Variants in CAST observed in about 807,000 individuals in gnomAD.
CAST encodes the protein MIR583 host.
Under a neutral mutation model 119.6 loss-of-function variants are expected in CAST, and 76 were observed. That is an observed-to-expected ratio of 0.64 (90% CI 0.53 to 0.77). The LOEUF (loss-of-function observed/expected upper bound fraction) is 0.77. CAST is among the 30% of genes least tolerant of loss of function. The pLI is 0.00. For synonymous variants in CAST, 319 were observed against 331.6 expected, an observed-to-expected ratio of 0.96 and a Z score of 0.41; for missense variants, 953 against 946.5, an observed-to-expected ratio of 1.01 and a Z score of -0.09.
chr5:96,729,342 C>T (rs1447809380), intron 7 of CAST, 133 bp downstream of exon 7: 4 of 629,456 alleles, frequency 6.4e-6, no homozygotes, highest in Non-Finnish European at 1.1e-5. Context: ...AAAATGGTGC[C>T]ATCCTGTGGC....
At chr5:96,509,958 A>T in the CAST span, among the ~76,000 whole-genome samples, 2 of 152,242 alleles carry the variant, frequency 1.3e-5, no homozygotes, top group Non-Finnish European at 2.9e-5. Context: ...CAGGAAAGAA[A>T]CAGCAATAAA....
chr5:96,601,227 A>C (rs1747146862), intron 1 of CAST, among the ~76,000 whole-genome samples: 1 of 152,200 alleles, frequency 6.6e-6, no homozygotes, highest in Non-Finnish European at 1.5e-5. Context: ...TGGAAAGGAA[A>C]TCTGTTTATT....
At chr5:96,666,276 A>G (rs1749324979) in intron 1 of CAST, among the ~76,000 whole-genome samples, 1 of 151,952 alleles carries the variant, frequency 6.6e-6, no homozygotes, top group Non-Finnish European at 1.5e-5. Context: ...ACACACACAC[A>G]CACCACACAA....
At chr5:96,317,476 C>CAAAA in the CAST span, among the ~76,000 whole-genome samples, 348 of 50,508 alleles carry the variant, frequency 6.9e-3, no homozygotes, top group Middle Eastern at 0.018. Context: ...GACTCCATCT[C>CAAAA]AAAAAAAAAA....
At chr5:96,457,596 G>A in the CAST span, among the ~76,000 whole-genome samples, 37 of 152,126 alleles carry the variant, frequency 2.4e-4, no homozygotes, top group Admixed American at 2.6e-4. Context: ...CAGTGCCTTC[G>A]CCCTTGCTCT....
the CAST span, among the ~76,000 whole-genome samples, chr5:96,270,838 C>A: frequency 6.6e-6 from 1 of 151,318 alleles, no homozygotes; most frequent in Non-Finnish European, 1.5e-5. Context: ...CAAACCTGCA[C>A]ATCCTGCACA....
chr5:96,315,836 C>T, the CAST span, among the ~76,000 whole-genome samples: 6 of 152,180 alleles, frequency 3.9e-5, no homozygotes, highest in African/African-American at 1.2e-4. Flanking sequence ...AGAAGTCCAG[C>T]TTTCCTGAGA....
At chr5:96,178,263 C>G in the CAST span, among the ~76,000 whole-genome samples, 9 of 152,042 alleles carry the variant, frequency 5.9e-5, no homozygotes, top group Non-Finnish European at 1.0e-4. Flanking sequence ...ATGCCTTTGC[C>G]CATCATTAGC....
the CAST span, among the ~76,000 whole-genome samples, chr5:96,107,995 C>G: frequency 1.3e-5 from 2 of 151,916 alleles, no homozygotes; most frequent in Non-Finnish European, 2.9e-5. Context: ...TGCTGATACC[C>G]TTTCTTCCAG....
At chr5:96,650,393 C>A (rs1748075783) in intron 1 of CAST, among the ~76,000 whole-genome samples, 1 of 152,138 alleles carries the variant, frequency 6.6e-6, no homozygotes, top group African/African-American at 2.4e-5. Flanking sequence ...CTGCAACAGA[C>A]CTTGCATGAA....
Position 96,742,750 on chromosome 5 carries a change from C to T in CAST, c.1194C>T (p.Val398=), listed in dbSNP as rs764303127. Residue 398 remains valine, a synonymous_variant, in exon 16 of 32, where the codon GTC becomes GTT. Transcript: ENST00000675179. ...PELDLRSIKE[V]DEAKAKEEKL... is the part of the protein sequence containing the mutation. ...TCGACCTCCGCTCAATTAAGGAAGT[C>T]GATGAGGTACTGACCTTAGAGTTGA... is the stretch of plus-strand genomic sequence containing the variant. 17 of 1,610,322 alleles carry T rather than the reference C, an allele frequency of 1.1e-5. No individual in the cohort carries two copies. The highest frequency in any genetic ancestry group is 8.8e-5 in the South Asian group (8 of 90,976).
the CAST span, among the ~76,000 whole-genome samples, chr5:96,002,214 C>G: frequency 6.6e-6 from 1 of 152,286 alleles, no homozygotes; most frequent in South Asian, 2.1e-4. Flanking sequence ...TATTGGGATG[C>G]TTGGTTGCAA....
the CAST span, among the ~76,000 whole-genome samples, chr5:96,229,114 C>T: frequency 1.3e-5 from 2 of 151,662 alleles, no homozygotes; most frequent in Non-Finnish European, 2.9e-5. Context: ...ATCATTTTAC[C>T]AGGTGAGAAT....
At chr5:96,135,605 G>C in the CAST span, among the ~76,000 whole-genome samples, 1 of 152,128 alleles carries the variant, frequency 6.6e-6, no homozygotes, top group African/African-American at 2.4e-5. Context: ...TGAGATCTCA[G>C]ATCTATAGCC....
the CAST span, among the ~76,000 whole-genome samples, chr5:96,365,878 A>G: frequency 6.6e-6 from 1 of 152,048 alleles, no homozygotes; most frequent in African/African-American, 2.4e-5. Flanking sequence ...TGATGTTGTT[A>G]CCTGGTTATT....
At chr5:96,183,440 T>G in the CAST span, among the ~76,000 whole-genome samples, 3 of 152,056 alleles carry the variant, frequency 2.0e-5, no homozygotes. Context: ...GCCAATATAT[T>G]TTGTCCAAGT....
chr5:96,137,141 A>G, the CAST span, among the ~76,000 whole-genome samples: 1 of 152,174 alleles, frequency 6.6e-6, no homozygotes, highest in East Asian at 1.9e-4. Flanking sequence ...AGTAATACAG[A>G]GGATAGTTTC....
the CAST span, among the ~76,000 whole-genome samples, chr5:96,277,428 T>C: frequency 6.6e-6 from 1 of 152,172 alleles, no homozygotes; most frequent in African/African-American, 2.4e-5. Flanking sequence ...ATTTGATCAC[T>C]AGTCAGTTTG....
At chr5:96,104,126 G>A in the CAST span, among the ~76,000 whole-genome samples, 8 of 152,058 alleles carry the variant, frequency 5.3e-5, no homozygotes, top group Admixed American at 5.2e-4. Flanking sequence ...TGTAGATTCT[G>A]GATATTAACC....
Sources: gnomAD v4.1 joint callset for allele counts (sites outside exome capture counted in the v4.1 genomes callset) on GRCh38, gnomAD v4.1.1 for gene constraint, MANE v1.5 for transcripts, NCBI Gene and HGNC (gene_info 2026-07-23, HGNC 2026-07-21) for gene names.